Variants in ENOX1 observed in about 807,000 individuals in gnomAD.
The protein encoded by ENOX1 is candidate growth-related and time keeping constitutive hydroquinone (NADH) oxidase.
Under a neutral mutation model 82.5 loss-of-function variants are expected in ENOX1, and 42 were observed. That is an observed-to-expected ratio of 0.51 (90% confidence interval 0.40 to 0.66). The LOEUF (loss-of-function observed/expected upper bound fraction) is 0.66, where lower values mean the gene tolerates loss of function less well. Ranked by LOEUF, ENOX1 falls within the 30% of genes least tolerant of loss-of-function variation. The pLI is 0.00. For missense variants in ENOX1, 608 were observed against 811.6 expected (o/e 0.75, Z 3.05); for synonymous variants, 271 against 282.2 (o/e 0.96, Z 0.40).
chr13:43,214,422 A>T (rs1270054741), intron 16 of ENOX1, among the ~76,000 whole-genome samples: 1 of 152,072 alleles, frequency 6.6e-6, no homozygotes, highest in Non-Finnish European at 1.5e-5. Flanking sequence ...ATATAAAAGG[A>T]GATGGGGAGG....
chr13:43,641,622 G>A (rs924779180), intron 2 of ENOX1, among the ~76,000 whole-genome samples: 4 of 126,150 alleles, frequency 3.2e-5, no homozygotes, highest in Admixed American at 1.1e-4. Flanking sequence ...TGCAAGCTCC[G>A]CCTCCCAGTT....
chr13:43,469,436 T>C (rs1042951778), intron 3 of ENOX1, among the ~76,000 whole-genome samples: 68 of 152,120 alleles, frequency 4.5e-4, no homozygotes, highest in African/African-American at 1.5e-3. Context: ...CTCTTATGTA[T>C]TTGTCAGGTT....
intron 11 of ENOX1, among the ~76,000 whole-genome samples, chr13:43,309,577 C>T (rs943681041): frequency 3.9e-5 from 6 of 152,186 alleles, no homozygotes; most frequent in African/African-American, 1.4e-4. Flanking sequence ...GGCTTCAGTT[C>T]ACATTCTTCA....
At chr13:43,647,912 C>A (rs1011546490) in intron 2 of ENOX1, among the ~76,000 whole-genome samples, 1 of 152,210 alleles carries the variant, frequency 6.6e-6, no homozygotes, top group African/African-American at 2.4e-5. Flanking sequence ...ATGAGAAGGT[C>A]TCGACCCACC....
intron 5 of ENOX1, 137 bp downstream of exon 5, chr13:43,411,779 T>C (rs1327464227): frequency 2.7e-6 from 3 of 1,110,802 alleles, no homozygotes; most frequent in Admixed American, 2.6e-5. Context: ...GAATCTCAAG[T>C]ACAACTTGCC....
At chr13:43,321,500 C>T (rs1238910328) in intron 11 of ENOX1, among the ~76,000 whole-genome samples, 1 of 152,208 alleles carries the variant, frequency 6.6e-6, no homozygotes, top group African/African-American at 2.4e-5. Context: ...TGACCTGATC[C>T]TTTTAGAATC....
rs913810258 is a variant in ENOX1, at chr13:43,786,489, C to G, written c.-285+163G>C. On this transcript the variant is annotated intron_variant, in intron 1 of 16. Coordinates refer to ENST00000690772, the MANE Select transcript of ENOX1 (RefSeq NM_001347969.2). This position sits in a 1 kb window ranked among gnomAD's most constrained non-coding sequence, Gnocchi z 6.0. ...GGCTGCACCGAAGCCCCCACGCGTC[C>G]ACGCACCCCTCCTCACCAGCCTCAC... is the stretch of plus-strand genomic sequence containing the variant. Among the ~76,000 whole-genome samples the G allele has an allele frequency of 2.6e-5, 4 of 151,842 alleles. No homozygotes were observed. The highest frequency in any genetic ancestry group is 4.4e-5 in the Non-Finnish European group (3 of 67,914).
At chr13:43,260,062 T>A (rs538641018) in intron 14 of ENOX1, among the ~76,000 whole-genome samples, 2 of 152,226 alleles carry the variant, frequency 1.3e-5, no homozygotes, top group Non-Finnish European at 2.9e-5. Context: ...ATTCAGAAAC[T>A]GAGCAGAGGA....
At chr13:43,513,307 G>T (rs2077440522) in intron 2 of ENOX1, among the ~76,000 whole-genome samples, 1 of 152,052 alleles carries the variant, frequency 6.6e-6, no homozygotes, top group Admixed American at 6.6e-5. Flanking sequence ...GGGGAAGAAA[G>T]GGTGTAAAAC....
intron 3 of ENOX1, among the ~76,000 whole-genome samples, chr13:43,453,501 T>C (rs552234245): frequency 2.0e-5 from 3 of 152,308 alleles, no homozygotes; most frequent in South Asian, 4.1e-4. Flanking sequence ...AATTTGCCCA[T>C]TTGATTAATA....
chr13:43,677,056 T>C (rs421968), intron 1 of ENOX1, among the ~76,000 whole-genome samples: 151,459 of 152,060 alleles, frequency 1, 75,432 homozygotes, highest in East Asian at 1. Flanking sequence ...GCCTTATCTC[T>C]CTGTCCAATC....
At chr13:43,388,339 C>T (rs2052558821) in intron 5 of ENOX1, among the ~76,000 whole-genome samples, 1 of 152,146 alleles carries the variant, frequency 6.6e-6, no homozygotes, top group Non-Finnish European at 1.5e-5. Flanking sequence ...TTAAAGCCAC[C>T]TATATTAATA....
chr13:43,344,461 C>A, intron 9 of ENOX1, 77 bp downstream of exon 9: 1 of 1,228,644 alleles, frequency 8.1e-7, no homozygotes. Flanking sequence ...TACTTACCCC[C>A]AAATGAAAAA....
chr13:43,571,484 G>A (rs966577125), intron 2 of ENOX1, among the ~76,000 whole-genome samples: 1 of 151,386 alleles, frequency 6.6e-6, no homozygotes, highest in African/African-American at 2.4e-5. Context: ...TTTGAGACCA[G>A]CCTGCCAACA....
rs371586277 is a variant in ENOX1, at chr13:43,512,485, G to A, written c.-218-28333C>T. On this transcript the variant is annotated intron_variant, in intron 2 of 16. Coordinates refer to ENST00000690772, the MANE Select transcript of ENOX1 (RefSeq NM_001347969.2). Reference sequence around the variant, plus strand: ...ATATTTTGAAACACTTTGCCAATGAGCATATAATTGACTGAAAAACTTGCC... The same window carrying A: ...ATATTTTGAAACACTTTGCCAATGAACATATAATTGACTGAAAAACTTGCC... Among the ~76,000 whole-genome samples the A allele has an allele frequency of 3.2e-4, 49 of 152,240 alleles. 1 individual carries two copies. In the East Asian group the frequency reaches 7.9e-3, roughly 25 times the overall value.
chr13:43,652,724 G>A (rs1422984617), intron 2 of ENOX1, among the ~76,000 whole-genome samples: 1 of 152,168 alleles, frequency 6.6e-6, no homozygotes, highest in Admixed American at 6.5e-5. Flanking sequence ...AGTGCAAGAT[G>A]ACCTGACTTT....
chr13:43,632,936 G>A (rs1320261455), intron 2 of ENOX1, among the ~76,000 whole-genome samples: 5 of 151,998 alleles, frequency 3.3e-5, no homozygotes. Flanking sequence ...GTTCACTGGA[G>A]GTGTATCATA....
chr13:43,555,019 T>G (rs2153701742), intron 2 of ENOX1, among the ~76,000 whole-genome samples: 1 of 152,332 alleles, frequency 6.6e-6, no homozygotes, highest in African/African-American at 2.4e-5. Flanking sequence ...GCTTTAAAAA[T>G]AACAAAGTGA....
chr13:43,218,720 G>C (rs1452213072), intron 16 of ENOX1, among the ~76,000 whole-genome samples: 5 of 152,190 alleles, frequency 3.3e-5, no homozygotes, highest in Non-Finnish European at 2.9e-5. Context: ...CAGGGAGAAA[G>C]CTGTATCAGG....
Sources: gnomAD v4.1 joint callset for allele counts (sites outside exome capture counted in the v4.1 genomes callset) on GRCh38, gnomAD v4.1.1 for gene constraint, Gnocchi (gnomAD v3.1) non-coding constraint, MANE v1.5 for transcripts, NCBI Gene and HGNC (gene_info 2026-07-23, HGNC 2026-07-21) for gene names.